Variants in CACNG8 observed in about 807,000 individuals in gnomAD.
The protein encoded by CACNG8 is voltage-dependent calcium channel gamma-8 subunit.
Under a neutral mutation model 26.9 loss-of-function variants are expected in CACNG8, and 5 were observed. The ratio of observed to expected loss-of-function variants is 0.19; its 90% CI spans 0.10 to 0.39. The LOEUF is 0.39. CACNG8 is among the 10% of genes least tolerant of loss of function. The pLI, the probability that CACNG8 is intolerant of heterozygous loss-of-function variation, is 1.00. For missense variants in CACNG8, 473 were observed against 609.4 expected (o/e 0.78, Z 2.36); for synonymous variants, 321 against 296.7 (o/e 1.08, Z -0.84).
rs761986507 is a variant in CACNG8 at position 53,985,176 on chromosome 19, G to C, written c.*2327G>C. On this transcript the variant is annotated 3_prime_UTR_variant, in exon 4 of 4. Coordinates refer to ENST00000270458, the MANE Select transcript of CACNG8 (RefSeq NM_031895.6). The stretch of plus-strand genomic sequence containing the variant: ...GAGGCCTCCCCCGAAGCCTTGTGCT[G>C]GGCGGTGCTGGGAGTGGAGAGGTGA... The C allele has an allele frequency of 2.3e-4, 35 of 152,290 alleles. No homozygotes were observed. The highest frequency in any genetic ancestry group is 8.4e-4 in the African/African-American group (35 of 41,446). The allele number at this position is 152,290 out of a possible 1,614,324, so 9.4% of individuals were successfully genotyped here.
At position 53,982,443 on chromosome 19, in the gene CACNG8, C is replaced by T. The variant is rs1453534565; in HGVS notation, c.872C>T (p.Pro291Leu). The T allele has an allele frequency of 6.6e-7, 1 of 1,517,650 alleles. No individual in the cohort carries two copies. Among genetic ancestry groups the T allele is most frequent in the South Asian group, 1.2e-5 (1 of 81,968 alleles). The allele number at this position is 1,517,650 out of a possible 1,614,324, so 94.0% of individuals were successfully genotyped here. Residue 291 changes from proline to leucine, a missense_variant, in exon 4 of 4, where the codon CCC (proline) becomes CTC (leucine). Pro to Leu is a moderately conservative substitution (Grantham distance 98). This residue lies in a region of CACNG8 where 212 missense variants were observed against 214.4 expected (regional missense o/e 0.99). Transcript: ENST00000270458. This position sits in a 1 kb window ranked among gnomAD's most constrained non-coding sequence, Gnocchi z 8.4. ...CCGTCGCCGTCGCGGGACGCGTCTC[C>T]CGGCGGCCCCGGGGGCCCGGGCTTT...
Position 53,982,609 on chromosome 19 carries a change from C to CGGCGGA in CACNG8, c.1044_1049dup (p.Gly351_Gly352dup), listed in dbSNP as rs2069378530. The CGGCGGA allele has an allele frequency of 4.1e-6, 4 of 974,580 alleles. No individual in the cohort carries two copies. The highest frequency in any genetic ancestry group is 1.8e-5 in the African/African-American group (1 of 56,212). The allele number at this position is 974,580 out of a possible 1,614,324, so 60.4% of individuals were successfully genotyped here. On this transcript the variant is annotated inframe_insertion, in exon 4 of 4. Transcript: ENST00000270458. This position sits in a 1 kb window ranked among gnomAD's most constrained non-coding sequence, Gnocchi z 8.4. ...GCGCGGCCGGGGGCGCCGGGGGCGG[C>CGGCGGA]GGCGGAGGCGGCGGCGGGGCGGGTG...
rs189077004 is a variant in CACNG8 at position 53,964,088 on chromosome 19, T to G, written c.283+663T>G. Among the ~76,000 whole-genome samples, 162 of 152,202 alleles carry G rather than the reference T, an allele frequency of 1.1e-3. 1 individual carries two copies. Among genetic ancestry groups the G allele is most frequent in the Non-Finnish European group, 1.8e-3 (122 of 68,000 alleles). ...TGCTGGGATGAAGGGCATGAGCCACTGCACCCAGCAGCCTCTTTCTCCCTC... is the reference window on the plus strand; with the variant it reads ...TGCTGGGATGAAGGGCATGAGCCACGGCACCCAGCAGCCTCTTTCTCCCTC... On this transcript the variant is annotated intron_variant, in intron 1 of 3. Coordinates refer to ENST00000270458, the MANE Select transcript of CACNG8 (RefSeq NM_031895.6).
intron 1 of CACNG8, among the ~76,000 whole-genome samples, chr19:53,963,715 C>T (rs2069256320): frequency 6.6e-6 from 1 of 152,076 alleles, no homozygotes; most frequent in Admixed American, 6.5e-5. Flanking sequence ...GTCTCCTGCG[C>T]TGCCCCATCA....
chr19:53,982,277 T>G lies in CACNG8; in HGVS notation c.706T>G (p.Cys236Gly), dbSNP rs763743789. The stretch of plus-strand genomic sequence containing the variant: ...CATCGAGCGCAGCCGCGAGGCGCAC[T>G]GCCAGTCTCGCTCGGACCTGCTCAA... The change falls in exon 4 of 4, where the codon TGC (cysteine) becomes GGC (glycine). Residue 236 changes from cysteine (C) to glycine (G), a missense_variant. Transcript: ENST00000270458. The surrounding 1 kb of genome is among the most constrained non-coding windows in gnomAD (Gnocchi z 8.4). 3.4e-4 allele frequency: 542 copies of G among 1,611,752 alleles called. No homozygotes were observed. The highest frequency in any genetic ancestry group is 4.4e-4 in the Non-Finnish European group (518 of 1,179,358).
chr19:53,977,800 C>T (rs564496054), intron 1 of CACNG8, among the ~76,000 whole-genome samples: 2 of 152,292 alleles, frequency 1.3e-5, no homozygotes, highest in South Asian at 2.1e-4. Flanking sequence ...CCAACAACAC[C>T]CTCTTTCTTA....
chr19:53,982,737 C>T lies in CACNG8; in HGVS notation c.1166C>T (p.Ala389Val). ...ACGGTCACGGTCACCGGGCCGCCCG[C>T]CCCGCCCGCGCCCGCGCCACCCGCG... The change falls in exon 4 of 4, where the codon GCC becomes GTC. Residue 389 changes from alanine (A) to valine (V), a missense_variant. Coordinates refer to ENST00000270458, the MANE Select transcript of CACNG8 (RefSeq NM_031895.6). The surrounding 1 kb of genome is among the most constrained non-coding windows in gnomAD (Gnocchi z 8.4). 1 of 1,193,034 alleles carries T rather than the reference C, an allele frequency of 8.4e-7. No individual in the cohort carries two copies. The highest frequency in any genetic ancestry group is 1.0e-6 in the Non-Finnish European group (1 of 968,630). The allele number at this position is 1,193,034 out of a possible 1,614,324, so 73.9% of individuals were successfully genotyped here. A position where few individuals can be genotyped will look rare whatever the true frequency, so the allele number is the denominator to read the frequency against.
chr19:53,964,207 A>C (rs1200293527), intron 1 of CACNG8, among the ~76,000 whole-genome samples: 1 of 144,902 alleles, frequency 6.9e-6, no homozygotes, highest in Non-Finnish European at 1.5e-5. Context: ...CTCTCCCGAC[A>C]TTTCCCCCCC....
chr19:53,982,778 C>A lies in CACNG8; in HGVS notation c.1207C>A (p.Pro403Thr). 1.5e-6 allele frequency: 2 copies of A among 1,346,774 alleles called. No homozygotes were observed. Among genetic ancestry groups the A allele is most frequent in the Non-Finnish European group, 1.9e-6 (2 of 1,042,812 alleles). The allele number at this position is 1,346,774 out of a possible 1,614,324, so 83.4% of individuals were successfully genotyped here. A position where few individuals can be genotyped will look rare whatever the true frequency, so the allele number is the denominator to read the frequency against. ...GCCACCCGCGCCCTCTGCGCCCGCC[C>A]CCGGGACCCTGGCCAAGGAGGCCGC... Residue 403 changes from proline (P) to threonine (T), a missense_variant, in exon 4 of 4, where the codon CCC (proline) becomes ACC (threonine). Physicochemically the swap from Pro to Thr is conservative, Grantham distance 38. Coordinates refer to ENST00000270458, the MANE Select transcript of CACNG8 (RefSeq NM_031895.6). This position sits in a 1 kb window ranked among gnomAD's most constrained non-coding sequence, Gnocchi z 8.4.
At chr19:53,967,750 G>A (rs528811839) in intron 1 of CACNG8, among the ~76,000 whole-genome samples, 5 of 152,094 alleles carry the variant, frequency 3.3e-5, no homozygotes, top group Non-Finnish European at 7.4e-5. Flanking sequence ...CAGGAGAATC[G>A]CTTGAACCCA....
Position 53,982,753 on chromosome 19 carries a change from G to A in CACNG8, c.1182G>A (p.Ala394=). The change falls in exon 4 of 4, where the codon GCG becomes GCA. Residue 394 remains alanine, a synonymous_variant. Transcript: ENST00000270458. This position sits in a 1 kb window ranked among gnomAD's most constrained non-coding sequence, Gnocchi z 8.4. ...GGCCGCCCGCCCCGCCCGCGCCCGC[G>A]CCACCCGCGCCCTCTGCGCCCGCCC... is the stretch of plus-strand genomic sequence containing the variant. The A allele has an allele frequency of 8.3e-7, 1 of 1,207,362 alleles. No individual in the cohort carries two copies. The highest frequency in any genetic ancestry group is 1.0e-6 in the Non-Finnish European group (1 of 977,054). 74.8% of individuals were successfully genotyped at this position (1,207,362 alleles called of 1,614,324 possible).
chr19:53,981,426 G>C (rs561475371), intron 3 of CACNG8, among the ~76,000 whole-genome samples: 65 of 151,502 alleles, frequency 4.3e-4, no homozygotes, highest in African/African-American at 1.5e-3. Context: ...GTTACCACCA[G>C]CCAGGGTGGG....
chr19:53,982,975 C>T lies in CACNG8; in HGVS notation c.*126C>T, dbSNP rs2069383754. ...GCGCGCTGGAGACTGCTGGGCCCGC[C>T]CCACGCCCACCCTCCCCGCCCCCCT... On this transcript the variant is annotated 3_prime_UTR_variant, in exon 4 of 4. Transcript: ENST00000270458. The surrounding 1 kb of genome is among the most constrained non-coding windows in gnomAD (Gnocchi z 8.4). The T allele has an allele frequency of 2.0e-6, 1 of 491,018 alleles. No homozygotes were observed. The highest frequency in any genetic ancestry group is 3.0e-6 in the Non-Finnish European group (1 of 338,488). 30.4% of individuals were successfully genotyped at this position (491,018 alleles called of 1,614,324 possible). A position where few individuals can be genotyped will look rare whatever the true frequency, so the allele number is the denominator to read the frequency against.
chr19:53,966,281 T>C (rs2069272058), intron 1 of CACNG8, among the ~76,000 whole-genome samples: 1 of 151,596 alleles, frequency 6.6e-6, no homozygotes, highest in African/African-American at 2.4e-5. Flanking sequence ...AGAGACAGGG[T>C]TTTACCATGT....
Position 53,985,195 on chromosome 19 carries a change from G to T in CACNG8, c.*2346G>T, listed in dbSNP as rs1278960111. The T allele has an allele frequency of 2.6e-5, 4 of 152,308 alleles. No homozygotes were observed. The East Asian group carries it at 7.7e-4, about 29-fold the overall frequency. 9.4% of individuals were successfully genotyped at this position (152,308 alleles called of 1,614,324 possible). On this transcript the variant is annotated 3_prime_UTR_variant, in exon 4 of 4. Transcript: ENST00000270458. ...TGTGCTGGGCGGTGCTGGGAGTGGA[G>T]AGGTGATTTTGATCTTGCCCTGCTC...
chr19:53,980,892 T>C (rs1276041100), intron 3 of CACNG8, among the ~76,000 whole-genome samples: 1 of 152,052 alleles, frequency 6.6e-6, no homozygotes, highest in African/African-American at 2.4e-5. Flanking sequence ...AGGGAGGGCT[T>C]TGCATATTTG....
At position 53,982,977 on chromosome 19, in the gene CACNG8, C is replaced by A; in HGVS notation, c.*128C>A. 1 of 492,438 alleles carries A rather than the reference C, an allele frequency of 2.0e-6. No homozygotes were observed. Among genetic ancestry groups the A allele is most frequent in the Non-Finnish European group, 2.9e-6 (1 of 339,570 alleles). The allele number at this position is 492,438 out of a possible 1,614,324, so 30.5% of individuals were successfully genotyped here. ...GCGCTGGAGACTGCTGGGCCCGCCCCACGCCCACCCTCCCCGCCCCCCTCC... is the reference window on the plus strand; with the variant it reads ...GCGCTGGAGACTGCTGGGCCCGCCCAACGCCCACCCTCCCCGCCCCCCTCC... On this transcript the variant is annotated 3_prime_UTR_variant, in exon 4 of 4. Coordinates refer to ENST00000270458, the MANE Select transcript of CACNG8 (RefSeq NM_031895.6). The surrounding 1 kb of genome is among the most constrained non-coding windows in gnomAD (Gnocchi z 8.4).
In CACNG8 at chr19:53,982,813, C is replaced by T. The variant is rs2069381859; in HGVS notation, c.1242C>T (p.Asn414=). Reference sequence around the variant, plus strand: ...TGGCCAAGGAGGCCGCCGCCTCCAACACCAACACGCTCAACAGGAAAACCA... The same window carrying T: ...TGGCCAAGGAGGCCGCCGCCTCCAATACCAACACGCTCAACAGGAAAACCA... Residue 414 remains asparagine, a synonymous_variant, in exon 4 of 4, where the codon AAC becomes AAT. Transcript: ENST00000270458. The surrounding 1 kb of genome is among the most constrained non-coding windows in gnomAD (Gnocchi z 8.4). 3.6e-6 allele frequency: 5 copies of T among 1,375,254 alleles called. No homozygotes were observed. The highest frequency in any genetic ancestry group is 2.8e-6 in the Non-Finnish European group (3 of 1,058,018). The allele number at this position is 1,375,254 out of a possible 1,614,324, so 85.2% of individuals were successfully genotyped here. A position where few individuals can be genotyped will look rare whatever the true frequency, so the allele number is the denominator to read the frequency against.
At chr19:53,977,611 C>G (rs1473494361) in intron 1 of CACNG8, among the ~76,000 whole-genome samples, 1 of 152,176 alleles carries the variant, frequency 6.6e-6, no homozygotes, top group Non-Finnish European at 1.5e-5. Context: ...GGACTAGAGA[C>G]TACAACTCCC....
Sources: allele counts gnomAD v4.1 joint callset (sites outside exome capture counted in the v4.1 genomes callset), GRCh38; gene constraint gnomAD v4.1.1; regional missense constraint gnomAD v4.1.1; non-coding constraint Gnocchi (gnomAD v3.1); transcripts MANE v1.5; gene names NCBI Gene and HGNC (gene_info 2026-07-23, HGNC 2026-07-21).